Variants in IKZF3 observed in about 807,000 individuals in gnomAD.
IKZF3 encodes the protein IKAROS family zinc finger 3.
In IKZF3, 10 loss-of-function variants were observed where a neutral mutation model predicts 49.0. That is an observed-to-expected ratio of 0.20 (90% CI 0.13 to 0.35). IKZF3 has a LOEUF of 0.35. Among genes scored for constraint, IKZF3 ranks in the 10% least tolerant of loss-of-function variants. The pLI, the probability that IKZF3 is intolerant of heterozygous loss-of-function variation, is 1.00. For synonymous variants in IKZF3, 209 were observed against 228.2 expected (o/e 0.92, Z 0.76); for missense variants, 498 against 664.8 (o/e 0.75, Z 2.76).
chr17:39,848,113 AT>A (rs1325884754), intron 1 of IKZF3, among the ~76,000 whole-genome samples: 1 of 152,218 alleles, frequency 6.6e-6, no homozygotes, highest in Admixed American at 6.5e-5. Flanking sequence ...GCTAAGGTAA[AT>A]GTTAAGAAAC....
chr17:39,859,136 TA>T (rs1008239323), intron 1 of IKZF3, among the ~76,000 whole-genome samples: 32 of 147,492 alleles, frequency 2.2e-4, no homozygotes, highest in Non-Finnish European at 3.9e-4. Context: ...ACTTTTTAAT[TA>T]AAAAAAAAAC....
At chr17:39,833,628 T>A (rs540978833) in intron 1 of IKZF3, among the ~76,000 whole-genome samples, 1 of 152,362 alleles carries the variant, frequency 6.6e-6, no homozygotes, top group East Asian at 1.9e-4. Context: ...CTAAGTAGTA[T>A]TCCATATGAA....
chr17:39,829,332 T>C, intron 3 of IKZF3, 55 bp downstream of exon 3: 1 of 1,242,170 alleles, frequency 8.1e-7, no homozygotes, highest in Non-Finnish European at 1.2e-6. Context: ...TTCTCTACAC[T>C]AAGCCTAAGC....
chr17:39,813,414 G>A (rs980300380), intron 3 of IKZF3, among the ~76,000 whole-genome samples: 2 of 152,056 alleles, frequency 1.3e-5, no homozygotes, highest in Non-Finnish European at 2.9e-5. Flanking sequence ...GGAAGCCAAG[G>A]CAGGAGGATT....
intron 1 of IKZF3, among the ~76,000 whole-genome samples, chr17:39,854,745 A>G (rs1242375471): frequency 6.6e-6 from 1 of 152,114 alleles, no homozygotes; most frequent in Non-Finnish European, 1.5e-5. Flanking sequence ...AAATTAGTTC[A>G]TTTTTGGACT....
At chr17:39,829,335 G>T in intron 3 of IKZF3, 52 bp downstream of exon 3, 1 of 1,273,420 alleles carries the variant, frequency 7.9e-7, no homozygotes, top group Non-Finnish European at 1.1e-6. Context: ...TCTACACTAA[G>T]CCTAAGCAAT....
In IKZF3 at chr17:39,764,589, G is replaced by A. The variant is rs926238434; in HGVS notation, c.*1201C>T. On this transcript the variant is annotated 3_prime_UTR_variant, in exon 8 of 8. Coordinates refer to ENST00000346872, the MANE Select transcript of IKZF3 (RefSeq NM_012481.5). ...ATAACAGCACTCCTCCTGATAGTAT[G>A]TACATATTATGAGTGACAAGGATGA... is the stretch of plus-strand genomic sequence containing the variant. The A allele has an allele frequency of 3.3e-5, 5 of 151,850 alleles. No homozygotes were observed. Among genetic ancestry groups the A allele is most frequent in the African/African-American group, 7.3e-5 (3 of 41,324 alleles). The allele number at this position is 151,850 out of a possible 1,614,324, so 9.4% of individuals were successfully genotyped here.
intron 3 of IKZF3, among the ~76,000 whole-genome samples, chr17:39,797,355 T>C (rs2061194141): frequency 6.6e-6 from 1 of 152,060 alleles, no homozygotes; most frequent in African/African-American, 2.4e-5. Flanking sequence ...CCAACTTCTT[T>C]GTAATCCTCA....
chr17:39,808,637 A>G (rs1235559420), intron 3 of IKZF3, among the ~76,000 whole-genome samples: 12 of 152,226 alleles, frequency 7.9e-5, no homozygotes, highest in Admixed American at 5.9e-4. Context: ...AGTGATATAA[A>G]TGCACCTGGG....
At position 39,762,833 on chromosome 17, in the gene IKZF3, G is replaced by A. The variant is rs1567946673; in HGVS notation, c.*2957C>T. The A allele has an allele frequency of 6.5e-6, 1 of 152,746 alleles. No individual in the cohort carries two copies. The highest frequency in any genetic ancestry group is 6.5e-5 in the Admixed American group (1 of 15,304). The allele number at this position is 152,746 out of a possible 1,614,324, so 9.5% of individuals were successfully genotyped here. A position where few individuals can be genotyped will look rare whatever the true frequency, so the allele number is the denominator to read the frequency against. The stretch of plus-strand genomic sequence containing the variant: ...ACCCGGGAGGCGGAGGTTGCCGTGA[G>A]CCGAGATCGCGCCACTGCACTCCAG... On this transcript the variant is annotated 3_prime_UTR_variant, in exon 8 of 8. Coordinates refer to ENST00000346872, the MANE Select transcript of IKZF3 (RefSeq NM_012481.5).
intron 1 of IKZF3, among the ~76,000 whole-genome samples, chr17:39,846,924 CAGGCACCAG>C (rs1664962131): frequency 6.6e-6 from 1 of 151,958 alleles, no homozygotes; most frequent in Non-Finnish European, 1.5e-5. Context: ...TGCCAGCTGT[CAGGCACCAG>C]AGGTGCCTGG....
At chr17:39,803,864 A>G (rs2061377890) in intron 3 of IKZF3, among the ~76,000 whole-genome samples, 1 of 152,196 alleles carries the variant, frequency 6.6e-6, no homozygotes, top group South Asian at 2.1e-4. Flanking sequence ...ATGTTAAAAT[A>G]CAATTCTTAG....
chr17:39,841,263 G>A (rs1371682752), intron 1 of IKZF3, among the ~76,000 whole-genome samples: 1 of 152,106 alleles, frequency 6.6e-6, no homozygotes, highest in East Asian at 1.9e-4. Flanking sequence ...CATGCAGGGA[G>A]GAGGACTGCC....
At chr17:39,791,335 C>T in intron 5 of IKZF3, 81 bp downstream of exon 5, 1 of 1,429,282 alleles carries the variant, frequency 7.0e-7, no homozygotes, top group Admixed American at 1.7e-5. Context: ...TGAAACCTTC[C>T]TACTTAACTC....
chr17:39,860,901 C>T (rs1365455596), intron 1 of IKZF3, among the ~76,000 whole-genome samples: 1 of 152,148 alleles, frequency 6.6e-6, no homozygotes, highest in Non-Finnish European at 1.5e-5. Flanking sequence ...AAGTGACAGT[C>T]TAGCAAAAAA....
rs764130020 is a variant in IKZF3 at position 39,864,136 on chromosome 17, G to A, written c.-10C>T. The A allele has an allele frequency of 6.2e-7, 1 of 1,612,380 alleles. No individual in the cohort carries two copies. Among genetic ancestry groups the A allele is most frequent in the Non-Finnish European group, 8.5e-7 (1 of 1,179,362 alleles). The stretch of plus-strand genomic sequence containing the variant: ...GAGGCTCACCTTCCATGTCGCTGCC[G>A]GGCCGGGCTGGAGCTGCCGCTGTGG... On this transcript the variant is annotated 5_prime_UTR_variant, in exon 1 of 8. Coordinates refer to ENST00000346872, the MANE Select transcript of IKZF3 (RefSeq NM_012481.5).
chr17:39,778,338 T>C, intron 6 of IKZF3: 1 of 195,038 alleles, frequency 5.1e-6, no homozygotes, highest in Non-Finnish European at 9.3e-6. Context: ...CTCCTCTCAG[T>C]TCCTATCTTT....
intron 1 of IKZF3, among the ~76,000 whole-genome samples, chr17:39,854,763 T>C (rs946897412): frequency 6.6e-6 from 1 of 152,070 alleles, no homozygotes; most frequent in East Asian, 1.9e-4. Context: ...ACTTGTTGAG[T>C]TGGAAGAACA....
chr17:39,826,170 G>C (rs949370515), intron 3 of IKZF3, among the ~76,000 whole-genome samples: 8 of 152,208 alleles, frequency 5.3e-5, no homozygotes, highest in Admixed American at 5.2e-4. Flanking sequence ...AGTCCCCCAA[G>C]TAGCTGGGAC....
Sources: gnomAD v4.1 joint callset for allele counts (sites outside exome capture counted in the v4.1 genomes callset) on GRCh38, gnomAD v4.1.1 for gene constraint, MANE v1.5 for transcripts, NCBI Gene and HGNC (gene_info 2026-07-23, HGNC 2026-07-21) for gene names.